Variants in ATP2B2 observed in about 807,000 individuals in gnomAD.
ATP2B2 encodes plasma membrane calcium-transporting ATPase 2.
In ATP2B2, 15 loss-of-function variants were observed where a neutral mutation model predicts 120.0. The observed-to-expected ratio is 0.12, with a 90% confidence interval of 0.08 to 0.19. The LOEUF (loss-of-function observed/expected upper bound fraction) is 0.19, where lower values mean the gene tolerates loss of function less well. ATP2B2 is among the 10% of genes least tolerant of loss of function. The pLI is 1.00. For missense variants in ATP2B2, 1,045 were observed against 1,719.8 expected (o/e 0.61, Z 6.94); for synonymous variants, 694 against 700.3 (o/e 0.99, Z 0.14).
chr3:10,532,326 A>C (rs908530760), intron 3 of ATP2B2, among the ~76,000 whole-genome samples: 1 of 152,224 alleles, frequency 6.6e-6, no homozygotes, highest in African/African-American at 2.4e-5. Context: ...TTGTAACCAA[A>C]TAAACAGGTA....
At chr3:10,565,756 T>G (rs531504619) in intron 2 of ATP2B2, among the ~76,000 whole-genome samples, 1 of 152,176 alleles carries the variant, frequency 6.6e-6, no homozygotes, top group Non-Finnish European at 1.5e-5. Context: ...TGCTAGCTGG[T>G]GACTTGGCTA....
chr3:10,421,356 C>G (rs1186079772), intron 2 of ATP2B2, among the ~76,000 whole-genome samples: 1 of 152,164 alleles, frequency 6.6e-6, no homozygotes, highest in Non-Finnish European at 1.5e-5. Flanking sequence ...CCACAGGGCC[C>G]TTCTCCTTCC....
intron 1 of ATP2B2, among the ~76,000 whole-genome samples, chr3:10,644,014 C>T (rs776745932): frequency 6.6e-6 from 1 of 152,130 alleles, no homozygotes; most frequent in Non-Finnish European, 1.5e-5. Flanking sequence ...AACAGGCTTG[C>T]AGATCATTGA....
intron 1 of ATP2B2, among the ~76,000 whole-genome samples, chr3:10,646,682 C>A (rs1378273836): frequency 6.6e-6 from 1 of 152,010 alleles, no homozygotes; most frequent in African/African-American, 2.4e-5. Context: ...AAGCAGAGTG[C>A]GTTACATAAT....
At chr3:10,658,566 C>T (rs1364204307) in intron 1 of ATP2B2, among the ~76,000 whole-genome samples, 1 of 152,170 alleles carries the variant, frequency 6.6e-6, no homozygotes, top group African/African-American at 2.4e-5. Flanking sequence ...AAGAAAAGAA[C>T]AAAGCCTCCA....
chr3:10,418,450 AG>A (rs1255925852), intron 2 of ATP2B2, among the ~76,000 whole-genome samples: 1 of 152,200 alleles, frequency 6.6e-6, no homozygotes, highest in Non-Finnish European at 1.5e-5. Context: ...AGGGCAGGGC[AG>A]GGTTCTGCTC....
chr3:10,582,563 G>A (rs566372131), intron 2 of ATP2B2, among the ~76,000 whole-genome samples: 1 of 152,348 alleles, frequency 6.6e-6, no homozygotes, highest in African/African-American at 2.4e-5. Flanking sequence ...AGAGAATCCT[G>A]CACGTGTGGT....
intron 1 of ATP2B2, among the ~76,000 whole-genome samples, chr3:10,686,176 C>T (rs543117933): frequency 6.6e-6 from 1 of 151,132 alleles, no homozygotes; most frequent in Admixed American, 6.6e-5. Context: ...CAGGTCAATG[C>T]CTCTCTGATA....
intron 22 of ATP2B2, among the ~76,000 whole-genome samples, chr3:10,337,813 G>A (rs2060164522): frequency 6.6e-6 from 1 of 152,076 alleles, no homozygotes; most frequent in African/African-American, 2.4e-5. Flanking sequence ...GCCTCACACG[G>A]CCCCTGTGGG....
chr3:10,559,237 T>C (rs1488142420), intron 2 of ATP2B2, among the ~76,000 whole-genome samples: 1 of 152,110 alleles, frequency 6.6e-6, no homozygotes, highest in Non-Finnish European at 1.5e-5. Flanking sequence ...ACTGTGGCTA[T>C]TAGAGGCTGG....
chr3:10,342,734 G>A lies in ATP2B2; in HGVS notation c.2917+18C>T, dbSNP rs768890763. 2.5e-6 allele frequency: 4 copies of A among 1,613,630 alleles called. No homozygotes were observed. Among genetic ancestry groups the A allele is most frequent in the Non-Finnish European group, 3.4e-6 (4 of 1,179,752 alleles). Reference sequence around the variant, plus strand: ...GATGACCCCGCCTGGGAGAGGCGTGGGTGGGCGAGGCGCTCACCAACAAAG... The same window carrying A: ...GATGACCCCGCCTGGGAGAGGCGTGAGTGGGCGAGGCGCTCACCAACAAAG... On this transcript the variant is annotated intron_variant, in intron 19 of 22. Coordinates refer to ENST00000360273, the MANE Select transcript of ATP2B2 (RefSeq NM_001001331.4). This position sits in a 1 kb window ranked among gnomAD's most constrained non-coding sequence, Gnocchi z 4.4.
intron 1 of ATP2B2, among the ~76,000 whole-genome samples, chr3:10,485,445 T>TCAGGGCAAGC (rs1279841417): frequency 1.3e-5 from 2 of 152,076 alleles, no homozygotes; most frequent in Non-Finnish European, 2.9e-5. Flanking sequence ...TTGCGGGAGC[T>TCAGGGCAAGC]CAGGGCAAGC....
chr3:10,400,274 C>A (rs967643294), intron 5 of ATP2B2, among the ~76,000 whole-genome samples: 3 of 152,228 alleles, frequency 2.0e-5, no homozygotes, highest in African/African-American at 7.2e-5. Flanking sequence ...AAATGCTGAC[C>A]ATGGCCCATG....
chr3:10,344,115 G>GTC (rs944347998), intron 18 of ATP2B2, among the ~76,000 whole-genome samples: 1 of 151,442 alleles, frequency 6.6e-6, no homozygotes, highest in Non-Finnish European at 1.5e-5. Context: ...CCTTGCCCCC[G>GTC]TCCTCCCCAC....
At chr3:10,466,614 C>A (rs998986797) in intron 1 of ATP2B2, among the ~76,000 whole-genome samples, 2 of 152,170 alleles carry the variant, frequency 1.3e-5, no homozygotes, top group East Asian at 1.9e-4. Context: ...GCAGAAACTT[C>A]ATCACTGCCT....
At chr3:10,423,655 G>A (rs1349198576) in intron 2 of ATP2B2, among the ~76,000 whole-genome samples, 2 of 152,156 alleles carry the variant, frequency 1.3e-5, no homozygotes, top group Non-Finnish European at 2.9e-5. Context: ...ATGGTTGAGC[G>A]CAGACAAGAA....
intron 2 of ATP2B2, among the ~76,000 whole-genome samples, chr3:10,575,997 T>C (rs536112414): frequency 6.6e-6 from 1 of 152,246 alleles, no homozygotes; most frequent in African/African-American, 2.4e-5. Flanking sequence ...GCACTTGGCA[T>C]GGATGGCCTC....
intron 1 of ATP2B2, among the ~76,000 whole-genome samples, chr3:10,657,489 G>A (rs999547730): frequency 6.6e-6 from 1 of 152,206 alleles, no homozygotes. Context: ...CCAGTGGTGG[G>A]GCATTCAAGA....
At chr3:10,403,814 C>G (rs1042496933) in intron 3 of ATP2B2, among the ~76,000 whole-genome samples, 3 of 152,224 alleles carry the variant, frequency 2.0e-5, no homozygotes, top group African/African-American at 7.2e-5. Context: ...CCTGGGGTCA[C>G]ATGGCAGATA....
Sources: gnomAD v4.1 joint callset for allele counts (sites outside exome capture counted in the v4.1 genomes callset) on GRCh38, gnomAD v4.1.1 for gene constraint, Gnocchi (gnomAD v3.1) non-coding constraint, MANE v1.5 for transcripts, NCBI Gene and HGNC (gene_info 2026-07-23, HGNC 2026-07-21) for gene names.